Variants in ROBO1 observed in about 807,000 individuals in gnomAD.
ROBO1 encodes roundabout homolog 1.
Under a neutral mutation model 195.9 loss-of-function variants are expected in ROBO1, and 149 were observed. The observed-to-expected ratio is 0.76, with a 90% CI of 0.67 to 0.87. The LOEUF is 0.87. Among genes scored for constraint, ROBO1 ranks in the 40% least tolerant of loss-of-function variants. The pLI is 0.00. For synonymous variants in ROBO1, 816 were observed against 733.2 expected (o/e 1.11, Z -1.82); for missense variants, 1,933 against 2,068.3 (o/e 0.93, Z 1.27).
At chr3:79,165,480 A>G (rs1342006830) in intron 2 of ROBO1, among the ~76,000 whole-genome samples, 1 of 152,204 alleles carries the variant, frequency 6.6e-6, no homozygotes, top group Non-Finnish European at 1.5e-5. Context: ...TGTCAGAAGG[A>G]GATTGTCTAC....
intron 4 of ROBO1, 115 bp downstream of exon 4, chr3:78,938,486 A>T: frequency 1.2e-6 from 1 of 801,634 alleles, no homozygotes; most frequent in Non-Finnish European, 1.9e-6. Flanking sequence ...ACAAAGCTAG[A>T]GTTTATCCTC....
At chr3:79,088,435 A>T (rs1160365326) in intron 3 of ROBO1, among the ~76,000 whole-genome samples, 1 of 152,126 alleles carries the variant, frequency 6.6e-6, no homozygotes, top group African/African-American at 2.4e-5. Flanking sequence ...TTCGAGTCAC[A>T]TTTTCCAAAA....
intron 4 of ROBO1, among the ~76,000 whole-genome samples, chr3:78,901,481 A>C (rs1038508267): frequency 2.6e-5 from 4 of 152,346 alleles, no homozygotes; most frequent in East Asian, 1.9e-4. Flanking sequence ...AGCAATGTAC[A>C]ATATTAAAAC....
chr3:79,480,836 A>C (rs971688801), intron 2 of ROBO1, among the ~76,000 whole-genome samples: 3 of 152,090 alleles, frequency 2.0e-5, no homozygotes, highest in African/African-American at 7.2e-5. Context: ...TTGTCTTTAG[A>C]TCATTCTAAA....
At position 79,027,504 on chromosome 3, in the gene ROBO1, A is replaced by ACTATGATT. The variant is rs753137247; in HGVS notation, c.173-88585_173-88578dup. Among the ~76,000 whole-genome samples the ACTATGATT allele has an allele frequency of 1.6e-3, 239 of 152,142 alleles. 1 individual carries two copies. Among genetic ancestry groups the ACTATGATT allele is most frequent in the Non-Finnish European group, 2.1e-3 (141 of 67,914 alleles). ...TAATAGCTTCTTGGTGTGACTGAGG[A>ACTATGATT]CTATGATTCTAAATACGGAAGGGCT... On this transcript the variant is annotated intron_variant, in intron 3 of 30. Transcript: ENST00000464233.
chr3:78,600,695 T>C (rs1200596510), intron 29 of ROBO1, among the ~76,000 whole-genome samples: 1 of 152,214 alleles, frequency 6.6e-6, no homozygotes, highest in African/African-American at 2.4e-5. Context: ...AAAGTGATGA[T>C]AACATCTATA....
intron 4 of ROBO1, among the ~76,000 whole-genome samples, chr3:78,876,180 T>C (rs2035835725): frequency 6.6e-6 from 1 of 152,090 alleles, no homozygotes; most frequent in Admixed American, 6.5e-5. Flanking sequence ...ATTTCCATGT[T>C]TTGAAAAGTA....
chr3:78,940,951 T>C (rs1186139536), intron 3 of ROBO1, among the ~76,000 whole-genome samples: 1 of 152,208 alleles, frequency 6.6e-6, no homozygotes, highest in Non-Finnish European at 1.5e-5. Context: ...CAATCATGTA[T>C]TCTATGACAA....
intron 4 of ROBO1, among the ~76,000 whole-genome samples, chr3:78,754,137 T>C (rs1231991143): frequency 6.6e-6 from 1 of 152,200 alleles, no homozygotes; most frequent in Non-Finnish European, 1.5e-5. Flanking sequence ...AGGGTTATTA[T>C]GAAAGCTAAT....
chr3:79,223,244 T>C (rs992362197), intron 2 of ROBO1, among the ~76,000 whole-genome samples: 5 of 152,244 alleles, frequency 3.3e-5, no homozygotes, highest in African/African-American at 1.2e-4. Flanking sequence ...GATCAGAGAA[T>C]GTTTACCTGA....
At chr3:79,511,503 C>A (rs1415546555) in intron 2 of ROBO1, among the ~76,000 whole-genome samples, 1 of 152,062 alleles carries the variant, frequency 6.6e-6, no homozygotes, top group African/African-American at 2.4e-5. Context: ...TGTTTCCACC[C>A]ATTCATACAC....
At chr3:79,046,550 G>T (rs2078597867) in intron 3 of ROBO1, among the ~76,000 whole-genome samples, 2 of 152,078 alleles carry the variant, frequency 1.3e-5, no homozygotes, top group African/African-American at 4.8e-5. Flanking sequence ...GAGGAGCAAG[G>T]AGAGCCAGTA....
At chr3:78,847,779 A>G (rs2033768411) in intron 4 of ROBO1, among the ~76,000 whole-genome samples, 1 of 152,192 alleles carries the variant, frequency 6.6e-6, no homozygotes. Context: ...TAAGGTGGAA[A>G]TAAACCAGAG....
At chr3:78,637,748 G>C (rs769468972) in intron 22 of ROBO1, among the ~76,000 whole-genome samples, 1 of 152,138 alleles carries the variant, frequency 6.6e-6, no homozygotes, top group Non-Finnish European at 1.5e-5. Context: ...CTAGAGGACA[G>C]AGACTTGGTC....
intron 1 of ROBO1, among the ~76,000 whole-genome samples, chr3:79,650,614 CTT>C (rs1945976374): frequency 6.6e-6 from 1 of 151,334 alleles, no homozygotes; most frequent in Middle Eastern, 3.3e-3. Flanking sequence ...AAAAAAAACC[CTT>C]AATTATGCAA....
At chr3:79,618,654 C>T (rs1468503410) in intron 1 of ROBO1, among the ~76,000 whole-genome samples, 8 of 152,126 alleles carry the variant, frequency 5.3e-5, no homozygotes, top group Admixed American at 3.9e-4. Context: ...TCTGCCTGCA[C>T]CCAAGTGATT....
In ROBO1 at chr3:78,786,786, G is replaced by C. The variant is rs542923087; in HGVS notation, c.500-39886C>G. Among the ~76,000 whole-genome samples, 7 of 152,228 alleles carry C rather than the reference G, an allele frequency of 4.6e-5. No individual in the cohort carries two copies. In the East Asian group the frequency reaches 1.2e-3, roughly 25 times the overall value. ...GCCTCCCTAGCCATATGGAATTGTT[G>C]AGTCCATTAAGCCTCTTTTTCTTTA... is the stretch of plus-strand genomic sequence containing the variant. On this transcript the variant is annotated intron_variant, in intron 4 of 30. Transcript: ENST00000464233.
chr3:79,699,139 TA>T, intron 1 of ROBO1, among the ~76,000 whole-genome samples: 1 of 151,016 alleles, frequency 6.6e-6, no homozygotes, highest in African/African-American at 2.4e-5. Context: ...TGTAACCATC[TA>T]AAATAAAAAC....
intron 4 of ROBO1, among the ~76,000 whole-genome samples, chr3:78,932,622 CT>C (rs1016414710): frequency 1.3e-5 from 2 of 152,034 alleles, no homozygotes; most frequent in Admixed American, 6.6e-5. Context: ...TACCTAATGC[CT>C]TTTTTGGCCA....
Sources: allele counts gnomAD v4.1 joint callset (sites outside exome capture counted in the v4.1 genomes callset), GRCh38; gene constraint gnomAD v4.1.1; transcripts MANE v1.5; gene names NCBI Gene and HGNC (gene_info 2026-07-23, HGNC 2026-07-21).